Variants in SEPTIN10 observed in about 807,000 individuals in gnomAD.
SEPTIN10 encodes septin 10, also known as septin-10.
In SEPTIN10, 66 loss-of-function variants were observed where a neutral mutation model predicts 54.8. The ratio of observed to expected loss-of-function variants is 1.21; its 90% CI spans 0.99 to 1.48. The LOEUF (loss-of-function observed/expected upper bound fraction) is 1.48. Ranked by LOEUF, SEPTIN10 falls within the 40% of genes most tolerant of loss-of-function variation. The probability of loss-of-function intolerance (pLI) is 0.00; values close to 1 mark genes in which losing one functional copy is unlikely to be tolerated. For synonymous variants in SEPTIN10, 161 were observed against 181.0 expected (o/e 0.89, Z 0.89); for missense variants, 620 against 545.6 (o/e 1.14, Z -1.36).
chr2:109,593,096 C>T lies in SEPTIN10; in HGVS notation c.54G>A (p.Thr18=), dbSNP rs1399560352. The T allele has an allele frequency of 1.9e-6, 3 of 1,598,390 alleles. No individual in the cohort carries two copies. Among genetic ancestry groups the T allele is most frequent in the East Asian group, 2.3e-5 (1 of 44,312 alleles). The change falls in exon 2 of 11, where the codon ACG becomes ACA. Residue 18 remains threonine, a synonymous_variant. Transcript: ENST00000397712. ...RHLLFQSHMA[T]KTTCMSSQGS... ...CTTGTGAAGACATACAAGTTGTTTT[C>T]GTTGCCATGTGAGACTGAAAGAGCT...
intron 1 of SEPTIN10, chr2:109,613,248 T>G: frequency 8.7e-7 from 1 of 1,151,648 alleles, no homozygotes; most frequent in African/African-American, 1.6e-5. Flanking sequence ...TTCAAAACAG[T>G]GAACAAACGC....
chr2:109,560,384 C>A (rs1242129683), intron 8 of SEPTIN10, among the ~76,000 whole-genome samples: 6 of 152,146 alleles, frequency 3.9e-5, no homozygotes, highest in South Asian at 4.2e-4. Flanking sequence ...CAAGACGTGA[C>A]ACTGCTGGTT....
chr2:109,582,833 T>G lies in SEPTIN10; in HGVS notation c.413+2293A>C, dbSNP rs1691544796. ...TGGTTGTGGTATAAAAACAGACAAA[T>G]AGACCAATGGAATAGAACAGAGAAC... On this transcript the variant is annotated intron_variant, in intron 4 of 10. Coordinates refer to ENST00000397712, the MANE Select transcript of SEPTIN10 (RefSeq NM_144710.5). Among the ~76,000 whole-genome samples the G allele has an allele frequency of 2.0e-5, 3 of 152,064 alleles. No homozygotes were observed. The South Asian group carries it at 6.2e-4, about 32-fold the overall frequency.
chr2:109,579,882 A>C (rs1690677060), intron 4 of SEPTIN10, among the ~76,000 whole-genome samples: 1 of 151,906 alleles, frequency 6.6e-6, no homozygotes, highest in South Asian at 2.1e-4. Context: ...GCACTTTGGG[A>C]AGCTAAGGCG....
chr2:109,554,220 T>C (rs773152018), intron 8 of SEPTIN10, among the ~76,000 whole-genome samples: 3 of 152,126 alleles, frequency 2.0e-5, no homozygotes, highest in African/African-American at 2.4e-5. Flanking sequence ...GAATAGATGT[T>C]TGCAAAGGGA....
intron 9 of SEPTIN10, among the ~76,000 whole-genome samples, chr2:109,546,689 A>C (rs1681337724): frequency 6.6e-6 from 1 of 152,138 alleles, no homozygotes; most frequent in African/African-American, 2.4e-5. Flanking sequence ...AGTAAACATC[A>C]CTGGAAAGCA....
chr2:109,586,203 G>GA (rs1393488496), intron 2 of SEPTIN10, among the ~76,000 whole-genome samples: 4 of 151,878 alleles, frequency 2.6e-5, no homozygotes, highest in Admixed American at 2.6e-4. Flanking sequence ...AATGTCAAGT[G>GA]AAAAAAAAGC....
intron 5 of SEPTIN10, among the ~76,000 whole-genome samples, chr2:109,573,149 T>C (rs1688798615): frequency 1.3e-5 from 2 of 152,126 alleles, no homozygotes; most frequent in Admixed American, 1.3e-4. Context: ...TATCTGCCTC[T>C]TGAGGTAGTT....
intron 8 of SEPTIN10, among the ~76,000 whole-genome samples, chr2:109,561,314 C>T (rs114781410): frequency 1.4e-3 from 220 of 152,156 alleles, no homozygotes; most frequent in African/African-American, 4.7e-3. Flanking sequence ...AAAGTCTTCC[C>T]GAATTTTCCA....
intron 1 of SEPTIN10, chr2:109,613,027 T>C: frequency 3.8e-6 from 2 of 522,592 alleles, no homozygotes; most frequent in Non-Finnish European, 3.5e-6. Context: ...CCACCAATGT[T>C]TACTATCAAA....
At chr2:109,607,254 A>G (rs778613721) in intron 1 of SEPTIN10, among the ~76,000 whole-genome samples, 7 of 152,220 alleles carry the variant, frequency 4.6e-5, no homozygotes, top group Non-Finnish European at 8.8e-5. Context: ...CATAGAAACA[A>G]TATTACAAAC....
intron 4 of SEPTIN10, among the ~76,000 whole-genome samples, chr2:109,576,316 C>T (rs1573604608): frequency 6.6e-6 from 1 of 151,964 alleles, no homozygotes; most frequent in African/African-American, 2.4e-5. Context: ...CCGGGCTGGT[C>T]TTGAACTCCT....
At chr2:109,547,600 G>A (rs950601107) in intron 9 of SEPTIN10, among the ~76,000 whole-genome samples, 1 of 152,078 alleles carries the variant, frequency 6.6e-6, no homozygotes, top group Non-Finnish European at 1.5e-5. Flanking sequence ...CACCTTAGAT[G>A]TCAATTTTGG....
intron 9 of SEPTIN10, chr2:109,552,592 G>A (rs957776572): frequency 6.4e-6 from 1 of 157,072 alleles, no homozygotes; most frequent in African/African-American, 2.4e-5. Context: ...CATACACTGT[G>A]TTGCCACTGT....
chr2:109,553,060 C>T (rs1215805770), intron 9 of SEPTIN10, 27 bp downstream of exon 9: 1 of 1,598,586 alleles, frequency 6.3e-7, no homozygotes. Flanking sequence ...AAAATAAATG[C>T]AAATCACATC....
At chr2:109,571,561 A>G (rs900542019) in intron 5 of SEPTIN10, among the ~76,000 whole-genome samples, 1 of 152,274 alleles carries the variant, frequency 6.6e-6, no homozygotes, top group Non-Finnish European at 1.5e-5. Context: ...ATCTAAACAC[A>G]GAAACATATA....
intron 2 of SEPTIN10, among the ~76,000 whole-genome samples, chr2:109,587,585 G>A (rs970755172): frequency 6.6e-6 from 1 of 152,010 alleles, no homozygotes; most frequent in African/African-American, 2.4e-5. Flanking sequence ...CTCACATCTA[G>A]GGACATCACA....
chr2:109,555,078 T>A (rs547034460), intron 8 of SEPTIN10, among the ~76,000 whole-genome samples: 1 of 152,210 alleles, frequency 6.6e-6, no homozygotes, highest in African/African-American at 2.4e-5. Flanking sequence ...TCCTAATTCA[T>A]CTCTGAGCTT....
intron 1 of SEPTIN10, among the ~76,000 whole-genome samples, chr2:109,611,885 G>A (rs1051462648): frequency 9.2e-5 from 14 of 152,178 alleles, no homozygotes; most frequent in Non-Finnish European, 2.1e-4. Context: ...TCCTGGTAGG[G>A]ATGCAAAATA....
Sources: gnomAD v4.1 joint callset for allele counts (sites outside exome capture counted in the v4.1 genomes callset) on GRCh38, gnomAD v4.1.1 for gene constraint, MANE v1.5 for transcripts, NCBI Gene and HGNC (gene_info 2026-07-23, HGNC 2026-07-21) for gene names.